WWP1: variants seen among roughly 807,000 people sequenced by gnomAD.
WWP1 encodes the protein WW domain containing E3 ubiquitin protein ligase 1.
A neutral mutation model predicts 130.6 loss-of-function variants in WWP1; 49 were observed. That is an observed-to-expected ratio of 0.38 (90% confidence interval 0.30 to 0.48). The LOEUF (loss-of-function observed/expected upper bound fraction) is 0.48. WWP1 is among the 20% of genes least tolerant of loss of function. The probability of loss-of-function intolerance (pLI) is 0.99; values close to 1 mark genes in which losing one functional copy is unlikely to be tolerated. For synonymous variants in WWP1, 332 were observed against 367.8 expected, an observed-to-expected ratio of 0.90 and a Z score of 1.11; for missense variants, 809 against 1,100.6, an observed-to-expected ratio of 0.74 and a Z score of 3.75.
intron 12 of WWP1, among the ~76,000 whole-genome samples, chr8:86,431,056 GATATAT>G (rs1184207624): frequency 1.5e-5 from 2 of 131,058 alleles, no homozygotes; most frequent in African/African-American, 6.0e-5. Context: ...TATTATAAGG[GATATAT>G]ATATGTATAT....
Position 86,371,257 on chromosome 8 carries a change from T to A in WWP1, c.-22+2226T>A, listed in dbSNP as rs867278399. On this transcript the variant is annotated intron_variant, in intron 2 of 24. Coordinates refer to ENST00000517970, the MANE Select transcript of WWP1 (RefSeq NM_007013.4). ...ATTGTATGAGTTAGGCTAATTTATG[T>A]AACCATTTTTCTACCAATGGACATC... 3.9e-5 allele frequency among the ~76,000 whole-genome samples: 6 copies of A among 152,306 alleles called. No individual in the cohort carries two copies. In the South Asian group the frequency reaches 8.3e-4, roughly 21 times the overall value.
At position 86,457,970 on chromosome 8, in the gene WWP1, A is replaced by G; in HGVS notation, c.2444A>G (p.Asn815Ser). The G allele has an allele frequency of 6.2e-7, 1 of 1,613,282 alleles. No individual in the cohort carries two copies. The highest frequency in any genetic ancestry group is 1.1e-5 in the South Asian group (1 of 91,038). ...QEVDLADWQRNTVYRHYTRNS... is the reference protein window; with the variant it reads ...QEVDLADWQRSTVYRHYTRNS... ...GTTGACTTGGCAGATTGGCAGAGAA[A>G]TACTGTTTATCGACATTATACAAGA... Residue 815 changes from asparagine to serine, a missense_variant, in exon 22 of 25, where the codon AAT becomes AGT. Around this residue, in one of 3 missense-constraint regions of WWP1, gnomAD observed 450 missense variants for 674.2 expected, o/e 0.67. Transcript: ENST00000517970.
chr8:86,370,496 T>C (rs1006724853), intron 2 of WWP1, among the ~76,000 whole-genome samples: 1 of 152,172 alleles, frequency 6.6e-6, no homozygotes, highest in Admixed American at 6.5e-5. Flanking sequence ...TTGTTGGCTG[T>C]TTGGACCTTA....
chr8:86,453,373 C>G (rs78839962), intron 21 of WWP1, among the ~76,000 whole-genome samples: 1 of 152,074 alleles, frequency 6.6e-6, no homozygotes, highest in South Asian at 2.1e-4. Context: ...GAATTTCTTC[C>G]TTTTTTAGAC....
intron 21 of WWP1, among the ~76,000 whole-genome samples, chr8:86,455,028 T>A (rs1811362207): frequency 6.6e-6 from 1 of 152,082 alleles, no homozygotes; most frequent in Non-Finnish European, 1.5e-5. Context: ...CTTACCATAG[T>A]AATGGTTATT....
chr8:86,427,269 T>C (rs185463061), intron 10 of WWP1, among the ~76,000 whole-genome samples: 218 of 152,278 alleles, frequency 1.4e-3, no homozygotes, highest in Non-Finnish European at 2.5e-3. Flanking sequence ...GGCTAATGCT[T>C]TCCCTCCCCG....
At chr8:86,352,046 T>TC (rs1196914707) in intron 1 of WWP1, among the ~76,000 whole-genome samples, 1 of 150,252 alleles carries the variant, frequency 6.7e-6, no homozygotes, top group Non-Finnish European at 1.5e-5. Flanking sequence ...TTCCTTTTTT[T>TC]TTTTTTTTTT....
intron 3 of WWP1, among the ~76,000 whole-genome samples, chr8:86,379,984 T>G (rs1824889729): frequency 6.6e-6 from 1 of 152,142 alleles, no homozygotes; most frequent in South Asian, 2.1e-4. Flanking sequence ...GGTTATCACA[T>G]GAGCCAGGAG....
At chr8:86,421,696 C>T (rs972406091) in intron 9 of WWP1, among the ~76,000 whole-genome samples, 2 of 152,002 alleles carry the variant, frequency 1.3e-5, no homozygotes, top group South Asian at 2.1e-4. Flanking sequence ...TGGTGGCTGG[C>T]GCCTATAGTC....
At chr8:86,451,458 C>G (rs941932840) in intron 20 of WWP1, among the ~76,000 whole-genome samples, 2 of 151,954 alleles carry the variant, frequency 1.3e-5, no homozygotes, top group Non-Finnish European at 2.9e-5. Context: ...AAGGTGTACT[C>G]TTATAATGAG....
intron 8 of WWP1, among the ~76,000 whole-genome samples, chr8:86,404,035 TG>T (rs750490522): frequency 6.6e-6 from 1 of 152,176 alleles, no homozygotes; most frequent in Non-Finnish European, 1.5e-5. Context: ...CTAATACAGG[TG>T]GAGTGTCTCT....
At chr8:86,462,449 G>A (rs1350312833) in intron 24 of WWP1, among the ~76,000 whole-genome samples, 2 of 152,148 alleles carry the variant, frequency 1.3e-5, no homozygotes, top group African/African-American at 4.8e-5. Flanking sequence ...AAGAAAGGGA[G>A]ATGAAAAAAT....
intron 1 of WWP1, among the ~76,000 whole-genome samples, chr8:86,355,809 A>G (rs188911469): frequency 6.6e-6 from 1 of 152,354 alleles, no homozygotes; most frequent in East Asian, 1.9e-4. Context: ...TTTAGTTGAT[A>G]AGAGAATAGT....
intron 24 of WWP1, among the ~76,000 whole-genome samples, chr8:86,462,796 C>T (rs985272359): frequency 6.6e-6 from 1 of 151,836 alleles, no homozygotes; most frequent in Non-Finnish European, 1.5e-5. Flanking sequence ...GGTTTGTGAA[C>T]CTGCTTGTGC....
intron 1 of WWP1, among the ~76,000 whole-genome samples, chr8:86,354,313 T>G (rs1199583412): frequency 1.3e-5 from 2 of 152,232 alleles, no homozygotes; most frequent in African/African-American, 2.4e-5. Flanking sequence ...CATATGCTGT[T>G]AAATAAAACT....
At chr8:86,360,136 C>A (rs1823500335) in intron 1 of WWP1, among the ~76,000 whole-genome samples, 1 of 144,948 alleles carries the variant, frequency 6.9e-6, no homozygotes, top group Non-Finnish European at 1.5e-5. Flanking sequence ...GACTGAGACT[C>A]CGTCTCAAAA....
chr8:86,437,516 A>T (rs1810355121), intron 16 of WWP1, among the ~76,000 whole-genome samples: 1 of 152,162 alleles, frequency 6.6e-6, no homozygotes, highest in Admixed American at 6.5e-5. Flanking sequence ...AATATTTTTA[A>T]CCTTAAAAGC....
chr8:86,365,618 A>T (rs1289418701), intron 1 of WWP1, among the ~76,000 whole-genome samples: 1 of 152,208 alleles, frequency 6.6e-6, no homozygotes, highest in Non-Finnish European at 1.5e-5. Context: ...TGTTTTGAAT[A>T]TGAATGGATC....
intron 5 of WWP1, among the ~76,000 whole-genome samples, chr8:86,394,125 AAT>A (rs1807513801): frequency 6.6e-6 from 1 of 152,270 alleles, no homozygotes; most frequent in South Asian, 2.1e-4. Flanking sequence ...GTTACTCAGC[AAT>A]AGATAATACA....
Sources: gnomAD v4.1 joint callset for allele counts (sites outside exome capture counted in the v4.1 genomes callset) on GRCh38, gnomAD v4.1.1 for gene constraint, gnomAD v4.1.1 regional missense constraint, MANE v1.5 for transcripts, NCBI Gene and HGNC (gene_info 2026-07-23, HGNC 2026-07-21) for gene names.